The following BICRA variants were observed in gnomAD, a reference collection of about 807,000 sequenced individuals.
BICRA encodes BRD4 interacting chromatin remodeling complex associated protein, also known as BRD4-interacting chromatin-remodeling complex-associated protein.
In BICRA, 31 loss-of-function variants were observed where a neutral mutation model predicts 96.9. That is an observed-to-expected ratio of 0.32 (90% CI 0.24 to 0.43). The LOEUF (loss-of-function observed/expected upper bound fraction) is 0.43, where lower values mean the gene tolerates loss of function less well. BICRA is among the 20% of genes least tolerant of loss of function. The pLI is 1.00. For synonymous variants in BICRA, 1,350 were observed against 1,071.8 expected, an observed-to-expected ratio of 1.26 and a Z score of -5.07; for missense variants, 2,283 against 2,190.3, an observed-to-expected ratio of 1.04 and a Z score of -0.84.
intron 7 of BICRA, among the ~76,000 whole-genome samples, 169 bp from the exon 8 acceptor site, chr19:47,693,946 G>T (rs934383914): frequency 3.3e-5 from 5 of 152,104 alleles, no homozygotes; most frequent in Admixed American, 2.6e-4. Context: ...TGGGGAATGA[G>T]AGGCGAGGGA....
intron 7 of BICRA, among the ~76,000 whole-genome samples, chr19:47,693,694 T>A (rs112264576): frequency 0.042 from 6,366 of 152,206 alleles, 423 homozygotes; most frequent in African/African-American, 0.14. Flanking sequence ...CCCGCTGCTG[T>A]GCTCGCCGCC....
At chr19:47,693,054 G>A (rs1042535654) in intron 7 of BICRA, among the ~76,000 whole-genome samples, 1 of 152,234 alleles carries the variant, frequency 6.6e-6, no homozygotes, top group African/African-American at 2.4e-5. Context: ...CTCAGGGCTA[G>A]GGAGAGATCA....
intron 1 of BICRA, among the ~76,000 whole-genome samples, chr19:47,628,322 T>G (rs1034495590): frequency 1.4e-5 from 2 of 138,444 alleles, no homozygotes. Flanking sequence ...TGCAGACACT[T>G]TGCATTTCTT....
intron 2 of BICRA, among the ~76,000 whole-genome samples, chr19:47,673,319 T>C (rs1972893470): frequency 6.6e-6 from 1 of 152,142 alleles, no homozygotes. Flanking sequence ...TTAGTCTTGG[T>C]TGATATCATC....
chr19:47,608,781 G>T (rs1971846642), upstream of BICRA, among the ~76,000 whole-genome samples: 1 of 151,424 alleles, frequency 6.6e-6, no homozygotes, highest in Non-Finnish European at 1.5e-5. Flanking sequence ...GGGCTGGTCC[G>T]CCCGGACGCG....
At position 47,681,926 on chromosome 19, in the gene BICRA, G is replaced by A. The variant is rs557280770; in HGVS notation, c.2107-50G>A. 17 of 1,331,586 alleles carry A rather than the reference G, an allele frequency of 1.3e-5. No homozygotes were observed. In the Admixed American group the frequency reaches 2.1e-4, roughly 17 times the overall value. The allele number at this position is 1,331,586 out of a possible 1,614,324, so 82.5% of individuals were successfully genotyped here. The stretch of plus-strand genomic sequence containing the variant: ...GGCAGGGGTCTCGGGTGGGGAGGTC[G>A]AGGGCCTGTGGGGGCGGCTTTCTGA... On this transcript the variant is annotated intron_variant, in intron 6 of 14. Coordinates refer to ENST00000594866, the MANE Select transcript of BICRA (RefSeq NM_001394372.1).
chr19:47,611,282 C>T (rs1367393627), intron 1 of BICRA, among the ~76,000 whole-genome samples: 3 of 151,680 alleles, frequency 2.0e-5, no homozygotes, highest in Non-Finnish European at 4.4e-5. Flanking sequence ...TTTTTTTTTC[C>T]CTGGGAGCTG....
chr19:47,655,224 GT>G (rs1334005117), intron 1 of BICRA, among the ~76,000 whole-genome samples: 1 of 151,932 alleles, frequency 6.6e-6, no homozygotes, highest in East Asian at 1.9e-4. Flanking sequence ...TGATTTTGCT[GT>G]TTAAAATGTC....
At chr19:47,690,167 A>G (rs1303527706) in intron 7 of BICRA, among the ~76,000 whole-genome samples, 1 of 151,450 alleles carries the variant, frequency 6.6e-6, no homozygotes, top group Admixed American at 6.6e-5. Context: ...ATGCCCAGCT[A>G]ATTTTTGTAT....
At chr19:47,643,524 G>A (rs1016832165) in intron 1 of BICRA, among the ~76,000 whole-genome samples, 12 of 152,120 alleles carry the variant, frequency 7.9e-5, no homozygotes, top group Admixed American at 2.6e-4. Context: ...TGCTCACGGT[G>A]CTGTCCCTGG....
chr19:47,702,073 C>A lies in BICRA; in HGVS notation c.4341C>A (p.Pro1447=). The A allele has an allele frequency of 6.6e-7, 1 of 1,511,392 alleles. No homozygotes were observed. The highest frequency in any genetic ancestry group is 8.8e-7 in the Non-Finnish European group (1 of 1,138,292). The allele number at this position is 1,511,392 out of a possible 1,614,324, so 93.6% of individuals were successfully genotyped here. A position where few individuals can be genotyped will look rare whatever the true frequency, so the allele number is the denominator to read the frequency against. ...TGTACCAGCGTATGCTGAAGGGCCC[C>A]CCGCCAGAGCCCGCAGCCAGCGCCG... ...DELYQRMLKG[P]PPEPAASAAQ... The change falls in exon 15 of 15, where the codon CCC becomes CCA. Residue 1447 remains proline (P), a synonymous_variant. Coordinates refer to ENST00000594866, the MANE Select transcript of BICRA (RefSeq NM_001394372.1).
chr19:47,665,089 G>A (rs974546092), intron 1 of BICRA, among the ~76,000 whole-genome samples: 1 of 151,356 alleles, frequency 6.6e-6, no homozygotes, highest in Non-Finnish European at 1.5e-5. Flanking sequence ...AGTGTGGGGG[G>A]TAGGGGAGAG....
At chr19:47,696,644 G>T in intron 11 of BICRA, 132 bp downstream of exon 11, 1 of 759,966 alleles carries the variant, frequency 1.3e-6, no homozygotes, top group Non-Finnish European at 2.1e-6. Context: ...TGGTAGCGAT[G>T]TAGTTCCCTC....
At chr19:47,696,427 T>G in intron 10 of BICRA, 24 bp from the exon 11 acceptor site, 1 of 1,574,288 alleles carries the variant, frequency 6.4e-7, no homozygotes, top group Middle Eastern at 1.7e-4. Context: ...GGCAAAGGCC[T>G]CTCACTCGCC....
In BICRA at chr19:47,698,123, C is replaced by T. The variant is rs1973375393; in HGVS notation, c.3249-511C>T. On this transcript the variant is annotated intron_variant, in intron 11 of 14. Transcript: ENST00000594866. The surrounding 1 kb of genome is among the most constrained non-coding windows in gnomAD (Gnocchi z 4.8). ...TGCAGAGAGGCTGCTGGTTTTTAGC[C>T]GAGGGTGGAGTTGGGCCTGCCTGGT... Among the ~76,000 whole-genome samples, 1 of 152,132 alleles carries T rather than the reference C, an allele frequency of 6.6e-6. No homozygotes were observed. Among genetic ancestry groups the T allele is most frequent in the Non-Finnish European group, 1.5e-5 (1 of 68,028 alleles).
rs369070883 is a variant in BICRA at position 47,690,557 on chromosome 19, C to T, written c.2284-3558C>T. The stretch of plus-strand genomic sequence containing the variant: ...GGGTGAAAAATAGTGCCCTGGGGTG[C>T]GTTTTGCTGTGCATTTCTCTTATTA... On this transcript the variant is annotated intron_variant, in intron 7 of 14. Transcript: ENST00000594866. Among the ~76,000 whole-genome samples, 84 of 152,170 alleles carry T rather than the reference C, an allele frequency of 5.5e-4. 1 individual carries two copies. The South Asian group carries it at 0.016, about 29-fold the overall frequency.
intron 1 of BICRA, among the ~76,000 whole-genome samples, chr19:47,636,248 C>T (rs188734081): frequency 1.3e-5 from 2 of 152,146 alleles, no homozygotes; most frequent in Non-Finnish European, 2.9e-5. Context: ...GCTCTGTTGC[C>T]CAGTCTGGAG....
chr19:47,637,065 A>G (rs564879384), intron 1 of BICRA, among the ~76,000 whole-genome samples: 2 of 152,192 alleles, frequency 1.3e-5, no homozygotes, highest in Admixed American at 1.3e-4. Flanking sequence ...CTTATTCTTC[A>G]TAGCACTTCA....
intron 14 of BICRA, chr19:47,700,725 C>A (rs557865264): frequency 1.3e-5 from 2 of 151,508 alleles, no homozygotes; most frequent in Admixed American, 1.3e-4. Flanking sequence ...ACCCAGGAGG[C>A]GGAGGTTGCA....
Sources: gnomAD v4.1 joint callset for allele counts (sites outside exome capture counted in the v4.1 genomes callset) on GRCh38, gnomAD v4.1.1 for gene constraint, Gnocchi (gnomAD v3.1) non-coding constraint, MANE v1.5 for transcripts, NCBI Gene and HGNC (gene_info 2026-07-23, HGNC 2026-07-21) for gene names.